Variants in CHCHD3 observed in about 807,000 individuals in gnomAD.
CHCHD3 encodes coiled-coil-helix-coiled-coil-helix domain containing 3.
CHCHD3 carries 20 observed loss-of-function variants against 38.2 expected under a neutral mutation model. That is an observed-to-expected ratio of 0.52 (90% confidence interval 0.37 to 0.76). CHCHD3 has a LOEUF of 0.76. Ranked by LOEUF, CHCHD3 falls within the 30% of genes least tolerant of loss-of-function variation. CHCHD3 has a pLI of 0.00. For synonymous variants in CHCHD3, 82 were observed against 100.0 expected (o/e 0.82, Z 1.07); for missense variants, 245 against 279.2 (o/e 0.88, Z 0.87).
chr7:133,013,563 TTAG>T (rs1047087964), intron 3 of CHCHD3, among the ~76,000 whole-genome samples: 1 of 152,194 alleles, frequency 6.6e-6, no homozygotes, highest in African/African-American at 2.4e-5. Flanking sequence ...TTACATATTA[TTAG>T]TAGTAGTAAT....
intron 3 of CHCHD3, among the ~76,000 whole-genome samples, chr7:133,010,972 GGAAA>G (rs1233033988): frequency 6.6e-6 from 1 of 152,158 alleles, no homozygotes; most frequent in African/African-American, 2.4e-5. Flanking sequence ...TGAGAGAACA[GGAAA>G]GAAAGAAGAG....
At chr7:132,806,514 T>G (rs2117044075) in intron 6 of CHCHD3, among the ~76,000 whole-genome samples, 1 of 152,232 alleles carries the variant, frequency 6.6e-6, no homozygotes, top group South Asian at 2.1e-4. Context: ...TGGAGATGAC[T>G]AGGAAAAGTT....
At chr7:132,808,516 A>G (rs564418715) in intron 6 of CHCHD3, among the ~76,000 whole-genome samples, 42 of 152,300 alleles carry the variant, frequency 2.8e-4, no homozygotes, top group African/African-American at 9.6e-4. Flanking sequence ...CAGTTCTTCT[A>G]TAAAATATAC....
At chr7:132,875,796 A>C (rs1011794481) in intron 5 of CHCHD3, among the ~76,000 whole-genome samples, 1 of 152,276 alleles carries the variant, frequency 6.6e-6, no homozygotes, top group African/African-American at 2.4e-5. Flanking sequence ...CCAAAGTTAA[A>C]ATCCTATCTT....
At chr7:133,013,909 T>C (rs1812952652) in intron 3 of CHCHD3, among the ~76,000 whole-genome samples, 1 of 152,166 alleles carries the variant, frequency 6.6e-6, no homozygotes, top group Admixed American at 6.5e-5. Context: ...AATATCCATG[T>C]TTTCAGTTGT....
intron 4 of CHCHD3, among the ~76,000 whole-genome samples, chr7:132,974,576 G>C: frequency 6.6e-6 from 1 of 151,830 alleles, no homozygotes; most frequent in South Asian, 2.1e-4. Flanking sequence ...CAAAGGCAAA[G>C]GACAAAAAAA....
At chr7:132,959,583 C>T (rs533663723) in intron 4 of CHCHD3, among the ~76,000 whole-genome samples, 167 of 152,064 alleles carry the variant, frequency 1.1e-3, no homozygotes, top group African/African-American at 3.8e-3. Flanking sequence ...ATTAGCAAGG[C>T]ATGGTGGCAG....
intron 4 of CHCHD3, among the ~76,000 whole-genome samples, chr7:132,900,236 T>C (rs1304352764): frequency 1.5e-4 from 2 of 13,586 alleles, no homozygotes; most frequent in Admixed American, 1.7e-3. Flanking sequence ...TAACCAATAA[T>C]CAGGCATGTT....
chr7:132,864,535 G>C (rs1485895071), intron 5 of CHCHD3, among the ~76,000 whole-genome samples: 1 of 152,136 alleles, frequency 6.6e-6, no homozygotes, highest in Non-Finnish European at 1.5e-5. Context: ...CATGCTTTGG[G>C]AAAAATGGCA....
chr7:133,035,406 T>C lies in CHCHD3; in HGVS notation c.170-10779A>G, dbSNP rs1168482900. ...GAAAGAAGGCTCTAGAACCTGCTTA[T>C]AGAGCCACAACAGGGTGCAGACAAC... On this transcript the variant is annotated intron_variant, in intron 2 of 7. Coordinates refer to ENST00000262570, the MANE Select transcript of CHCHD3 (RefSeq NM_017812.4). This position sits in a 1 kb window ranked among gnomAD's most constrained non-coding sequence, Gnocchi z 4.7. 2.5e-6 allele frequency: 4 copies of C among 1,613,406 alleles called. No homozygotes were observed. The African/African-American group carries it at 4.0e-5, about 16-fold the overall frequency.
chr7:132,802,871 T>C (rs1374645001), intron 6 of CHCHD3, among the ~76,000 whole-genome samples: 1 of 151,896 alleles, frequency 6.6e-6, no homozygotes, highest in African/African-American at 2.4e-5. Flanking sequence ...GCCTACAAAG[T>C]CTTCTCAACA....
In CHCHD3 at chr7:132,838,479, A is replaced by G. The variant is rs762457975; in HGVS notation, c.454-10T>C. 6.3e-7 allele frequency: 1 copy of G among 1,597,466 alleles called. No individual in the cohort carries two copies. Among genetic ancestry groups the G allele is most frequent in the East Asian group, 2.2e-5 (1 of 44,694 alleles). ...TGTAGAACTCTGAGCTCTGTGGACA[A>G]AGATTGATAGCAAAGGTTTCACTAT... On this transcript the variant is annotated splice_polypyrimidine_tract_variant and intron_variant, in intron 5 of 7. Transcript: ENST00000262570.
At chr7:133,060,239 A>G (rs1447476749) in intron 2 of CHCHD3, among the ~76,000 whole-genome samples, 1 of 152,176 alleles carries the variant, frequency 6.6e-6, no homozygotes, top group Non-Finnish European at 1.5e-5. Flanking sequence ...ACAGTTCTAT[A>G]ACGGCCTTGG....
At position 133,035,784 on chromosome 7, in the gene CHCHD3, G is replaced by T; in HGVS notation, c.170-11157C>A. 3 of 1,613,224 alleles carry T rather than the reference G, an allele frequency of 1.9e-6. No homozygotes were observed. In the East Asian group the frequency reaches 6.7e-5, roughly 36 times the overall value. ...AGGAAATTTGCGAAGAAATTCAGAG[G>T]TGCGGTTGGTTTGGCCAAAATGGAA... On this transcript the variant is annotated intron_variant, in intron 2 of 7. Coordinates refer to ENST00000262570, the MANE Select transcript of CHCHD3 (RefSeq NM_017812.4). This position sits in a 1 kb window ranked among gnomAD's most constrained non-coding sequence, Gnocchi z 4.7.
At chr7:132,956,139 C>T (rs1811159551) in intron 4 of CHCHD3, among the ~76,000 whole-genome samples, 1 of 152,210 alleles carries the variant, frequency 6.6e-6, no homozygotes, top group Non-Finnish European at 1.5e-5. Flanking sequence ...CTCCAGATTG[C>T]ATTCAGACAC....
chr7:132,839,569 T>A (rs934300841), intron 5 of CHCHD3, among the ~76,000 whole-genome samples: 2 of 152,242 alleles, frequency 1.3e-5, no homozygotes, highest in Non-Finnish European at 2.9e-5. Context: ...GTCTATTGTG[T>A]ACCTTTCATT....
intron 4 of CHCHD3, among the ~76,000 whole-genome samples, chr7:132,915,863 G>A (rs1238830928): frequency 1.3e-5 from 2 of 151,928 alleles, no homozygotes; most frequent in African/African-American, 4.8e-5. Context: ...TGAACTCAGG[G>A]AACAATGGGT....
chr7:132,800,963 A>T (rs1278769568), intron 6 of CHCHD3, among the ~76,000 whole-genome samples: 1 of 152,194 alleles, frequency 6.6e-6, no homozygotes, highest in Non-Finnish European at 1.5e-5. Flanking sequence ...ACAGTCAGGG[A>T]ATCAAATCTT....
chr7:133,029,295 CTT>C (rs980137313), intron 2 of CHCHD3, among the ~76,000 whole-genome samples: 1 of 152,122 alleles, frequency 6.6e-6, no homozygotes, highest in Non-Finnish European at 1.5e-5. Flanking sequence ...ATTGGGGACA[CTT>C]AAAATTTGTT....
Sources: allele counts gnomAD v4.1 joint callset (sites outside exome capture counted in the v4.1 genomes callset), GRCh38; gene constraint gnomAD v4.1.1; non-coding constraint Gnocchi (gnomAD v3.1); transcripts MANE v1.5; gene names NCBI Gene and HGNC (gene_info 2026-07-23, HGNC 2026-07-21).